Variants in EFCAB13 observed in about 807,000 individuals in gnomAD.
EFCAB13 encodes EF-hand calcium binding domain 13.
A neutral mutation model predicts 110.2 loss-of-function variants in EFCAB13; 91 were observed. That is an observed-to-expected ratio of 0.83 (90% CI 0.70 to 0.98). The LOEUF (loss-of-function observed/expected upper bound fraction) is 0.98, where lower values mean the gene tolerates loss of function less well. Ranked by LOEUF, EFCAB13 falls within the 50% of genes least tolerant of loss-of-function variation. The pLI is 0.00. For missense variants in EFCAB13, 968 were observed against 1,119.4 expected (o/e 0.86, Z 1.93); for synonymous variants, 323 against 369.9 (o/e 0.87, Z 1.45).
rs925535926 is a variant in EFCAB13, at chr17:47,379,312, T to C, written c.1582+59T>C. ...GGGAAGAGCAGTGTGTTGAGAAGAA[T>C]TAGGTTCAACAGAACTGGGCTTGCT... On this transcript the variant is annotated intron_variant, in intron 14 of 24. Transcript: ENST00000331493. 44 of 1,378,350 alleles carry C rather than the reference T, an allele frequency of 3.2e-5. 1 individual carries two copies. In the South Asian group the frequency reaches 4.0e-4, roughly 12 times the overall value. 85.4% of individuals were successfully genotyped at this position (1,378,350 alleles called of 1,614,324 possible). A position where few individuals can be genotyped will look rare whatever the true frequency, so the allele number is the denominator to read the frequency against.
chr17:47,328,359 A>T lies in EFCAB13; in HGVS notation c.6A>T (p.Glu2Asp). Reference sequence around the variant, plus strand: ...ATTTACCTCTAAACAGAAAGATGGAAACTAAAGTACATTTATTCTGCCAGG... The same window carrying T: ...ATTTACCTCTAAACAGAAAGATGGATACTAAAGTACATTTATTCTGCCAGG... M[E>D]TKVHLFCQAE... is the part of the protein sequence containing the mutation. Residue 2 changes from glutamate to aspartate, a missense_variant, in exon 4 of 25, where the codon GAA becomes GAT. Physicochemically the swap from Glu to Asp is conservative, Grantham distance 45 (BLOSUM62 2). Transcript: ENST00000331493. 9 of 1,603,176 alleles carry T rather than the reference A, an allele frequency of 5.6e-6. No homozygotes were observed. Among genetic ancestry groups the T allele is most frequent in the Non-Finnish European group, 7.7e-6 (9 of 1,173,498 alleles).
chr17:47,427,208 T>C (rs1456046545), intron 23 of EFCAB13, among the ~76,000 whole-genome samples: 2 of 152,128 alleles, frequency 1.3e-5, no homozygotes, highest in African/African-American at 4.8e-5. Context: ...AATACAGTGC[T>C]GTAAATTGAA....
intron 16 of EFCAB13, among the ~76,000 whole-genome samples, chr17:47,394,915 A>C (rs944247049): frequency 6.6e-6 from 1 of 152,078 alleles, no homozygotes; most frequent in East Asian, 1.9e-4. Flanking sequence ...TTTATATCTC[A>C]TTGTTAATAT....
intron 9 of EFCAB13, among the ~76,000 whole-genome samples, chr17:47,349,967 G>A (rs980531275): frequency 1.3e-5 from 2 of 151,332 alleles, no homozygotes; most frequent in African/African-American, 4.9e-5. Flanking sequence ...GTAGAGACGG[G>A]GTTTCACCTT....
chr17:47,379,650 G>T (rs983532453), intron 14 of EFCAB13, among the ~76,000 whole-genome samples: 1 of 151,622 alleles, frequency 6.6e-6, no homozygotes, highest in Non-Finnish European at 1.5e-5. Flanking sequence ...CTTTATCAAG[G>T]TATAATTTAT....
At chr17:47,440,379 A>T in intron 24 of EFCAB13, 52 bp from the exon 25 acceptor site, 1 of 1,469,966 alleles carries the variant, frequency 6.8e-7, no homozygotes, top group Non-Finnish European at 9.0e-7. Context: ...TATATTATTT[A>T]ATTCTGAAAC....
intron 14 of EFCAB13, among the ~76,000 whole-genome samples, chr17:47,381,211 T>C (rs961182510): frequency 6.6e-6 from 1 of 152,112 alleles, no homozygotes; most frequent in Non-Finnish European, 1.5e-5. Flanking sequence ...GGTTTTTTTT[T>C]CTTGTAAATT....
At chr17:47,340,734 G>C (rs893838649) in intron 5 of EFCAB13, among the ~76,000 whole-genome samples, 1 of 149,578 alleles carries the variant, frequency 6.7e-6, no homozygotes, top group Non-Finnish European at 1.5e-5. Flanking sequence ...TGAGTAGCTG[G>C]AACTACAGGC....
At chr17:47,399,041 G>T (rs1464349305) in intron 17 of EFCAB13, among the ~76,000 whole-genome samples, 1 of 152,098 alleles carries the variant, frequency 6.6e-6, no homozygotes, top group African/African-American at 2.4e-5. Context: ...TGCTGCCTCA[G>T]CCTCCCAAGT....
At chr17:47,384,471 A>G (rs2065665418) in intron 14 of EFCAB13, among the ~76,000 whole-genome samples, 1 of 149,212 alleles carries the variant, frequency 6.7e-6, no homozygotes, top group African/African-American at 2.5e-5. Context: ...TTTTTCTTAT[A>G]TTAAGAAAGT....
At chr17:47,401,555 T>A (rs535467956) in intron 17 of EFCAB13, among the ~76,000 whole-genome samples, 1 of 152,124 alleles carries the variant, frequency 6.6e-6, no homozygotes, top group African/African-American at 2.4e-5. Flanking sequence ...CTTAATTTTG[T>A]CTAGGAATAT....
rs772646058 is a variant in EFCAB13, at chr17:47,379,203, A to C, written c.1532A>C (p.Asp511Ala). 6.2e-7 allele frequency: 1 copy of C among 1,613,316 alleles called. No homozygotes were observed. Among genetic ancestry groups the C allele is most frequent in the Non-Finnish European group, 8.5e-7 (1 of 1,179,558 alleles). Residue 511 changes from aspartate to alanine, a missense_variant, in exon 14 of 25, where the codon GAT (aspartate) becomes GCT (alanine). Asp to Ala is a moderately radical substitution (Grantham distance 126, BLOSUM62 -2). Coordinates refer to ENST00000331493, the MANE Select transcript of EFCAB13 (RefSeq NM_152347.5). ...SRNENGMVEL[D>A]DFVNALAKER... Reference sequence around the variant, plus strand: ...ACAGAGAATGGAATGGTGGAGTTAGATGACTTTGTAAATGCTCTCGCCAAG... The same window carrying C: ...ACAGAGAATGGAATGGTGGAGTTAGCTGACTTTGTAAATGCTCTCGCCAAG...
intron 6 of EFCAB13, among the ~76,000 whole-genome samples, chr17:47,342,875 C>A (rs1276560550): frequency 6.6e-6 from 1 of 152,058 alleles, no homozygotes; most frequent in East Asian, 1.9e-4. Context: ...TTCACTTATT[C>A]TTTATCTAGC....
chr17:47,369,459 G>T (rs1005638158), intron 10 of EFCAB13, among the ~76,000 whole-genome samples: 1 of 152,170 alleles, frequency 6.6e-6, no homozygotes, highest in African/African-American at 2.4e-5. Context: ...TTTTGAAGTT[G>T]TGCATAGTAA....
intron 4 of EFCAB13, among the ~76,000 whole-genome samples, chr17:47,331,624 T>C (rs2065319927): frequency 6.6e-6 from 1 of 152,164 alleles, no homozygotes; most frequent in Non-Finnish European, 1.5e-5. Context: ...TTCACTTTTG[T>C]TGTACATTCT....
rs368918546 is a variant in EFCAB13 at position 47,379,200 on chromosome 17, T to TA, written c.1530dup (p.Asp511ArgfsTer2). 1,034 of 1,613,346 alleles carry TA rather than the reference T, an allele frequency of 6.4e-4. 21 individuals carry two copies. The South Asian group carries it at 0.011, about 17-fold the overall frequency. On this transcript the variant is annotated frameshift_variant, in exon 14 of 25. Transcript: ENST00000331493. LOFTEE classifies it high-confidence loss of function. The stretch of plus-strand genomic sequence containing the variant: ...AAAACAGAGAATGGAATGGTGGAGT[T>TA]AGATGACTTTGTAAATGCTCTCGCC...
At position 47,409,661 on chromosome 17, in the gene EFCAB13, G is replaced by C. The variant is rs769026821; in HGVS notation, c.2248G>C (p.Ala750Pro). 6 of 1,611,330 alleles carry C rather than the reference G, an allele frequency of 3.7e-6. No individual in the cohort carries two copies. The highest frequency in any genetic ancestry group is 1.1e-5 in the South Asian group (1 of 90,956). The change falls in exon 21 of 25, where the codon GCT (alanine) becomes CCT (proline). Residue 750 changes from alanine to proline, a missense_variant. By Grantham distance (27) the Ala-to-Pro change is conservative. Transcript: ENST00000331493. Reference protein sequence around the residue: ...FSNYIDFRKEASNLKLPKVNE... With the variant: ...FSNYIDFRKEPSNLKLPKVNE... The stretch of plus-strand genomic sequence containing the variant: ...TAAATTTGCAGATTTCAGGAAAGAG[G>C]CTTCAAATCTAAAATTACCAAAGGT...
intron 17 of EFCAB13, among the ~76,000 whole-genome samples, chr17:47,399,765 AAAT>A (rs76303442): frequency 9.7e-4 from 147 of 152,204 alleles, no homozygotes; most frequent in Non-Finnish European, 1.8e-3. Flanking sequence ...TAAAATTAAA[AAAT>A]AATTTTATGA....
intron 5 of EFCAB13, among the ~76,000 whole-genome samples, chr17:47,340,766 A>ATTTTTTT (rs58304526): frequency 7.4e-5 from 4 of 53,992 alleles, no homozygotes; most frequent in Non-Finnish European, 9.8e-5. Context: ...CACCTGGCTA[A>ATTTTTTT]TTTTTTTTTT....
Sources: gnomAD v4.1 joint callset for allele counts (sites outside exome capture counted in the v4.1 genomes callset) on GRCh38, gnomAD v4.1.1 for gene constraint, MANE v1.5 for transcripts, NCBI Gene and HGNC (gene_info 2026-07-23, HGNC 2026-07-21) for gene names.